PTPRD: variants seen among roughly 807,000 people sequenced by gnomAD.
PTPRD encodes receptor-type tyrosine-protein phosphatase delta.
A neutral mutation model predicts 214.5 loss-of-function variants in PTPRD; 34 were observed. That is an observed-to-expected ratio of 0.16 (90% CI 0.12 to 0.21). PTPRD has a LOEUF of 0.21. Ranked by LOEUF, PTPRD falls within the 10% of genes least tolerant of loss-of-function variation. The pLI is 1.00. For missense variants in PTPRD, 2,545 were observed against 2,398.7 expected, an observed-to-expected ratio of 1.06 and a Z score of -1.27; for synonymous variants, 1,128 against 845.7, an observed-to-expected ratio of 1.33 and a Z score of -5.79.
chr9:9,399,541 G>A (rs189632481), intron 8 of PTPRD, among the ~76,000 whole-genome samples: 1 of 152,158 alleles, frequency 6.6e-6, no homozygotes, highest in Admixed American at 6.6e-5. Flanking sequence ...AAAGTGTTCT[G>A]ATATGGCTTG....
chr9:9,108,573 T>G (rs1295721184), intron 10 of PTPRD, among the ~76,000 whole-genome samples: 1 of 152,214 alleles, frequency 6.6e-6, no homozygotes, highest in Non-Finnish European at 1.5e-5. Flanking sequence ...CTTGGGCTTA[T>G]GCCACTTATA....
At chr9:8,749,373 A>C (rs529524165) in intron 11 of PTPRD, among the ~76,000 whole-genome samples, 1 of 152,124 alleles carries the variant, frequency 6.6e-6, no homozygotes, top group Non-Finnish European at 1.5e-5. Flanking sequence ...TTTTTAGTAG[A>C]GACGGGGTTT....
At chr9:9,063,174 T>A (rs1009935295) in intron 10 of PTPRD, among the ~76,000 whole-genome samples, 1 of 152,114 alleles carries the variant, frequency 6.6e-6, no homozygotes, top group Non-Finnish European at 1.5e-5. Flanking sequence ...ATTGGCAAAT[T>A]TTCATAAAAC....
intron 3 of PTPRD, among the ~76,000 whole-genome samples, chr9:10,210,995 G>A (rs1057466288): frequency 2.3e-4 from 35 of 151,012 alleles, no homozygotes; most frequent in Non-Finnish European, 4.6e-4. Flanking sequence ...ACACATTTTT[G>A]TGTAAATAAA....
At chr9:10,269,280 G>A (rs945742894) in intron 3 of PTPRD, among the ~76,000 whole-genome samples, 1 of 152,174 alleles carries the variant, frequency 6.6e-6, no homozygotes, top group South Asian at 2.1e-4. Context: ...CACGTAAGAG[G>A]ACAAGCAAGG....
chr9:9,116,172 C>T (rs899699841), intron 10 of PTPRD, among the ~76,000 whole-genome samples: 7 of 151,778 alleles, frequency 4.6e-5, no homozygotes, highest in Admixed American at 1.3e-4. Flanking sequence ...AATATACTCA[C>T]GTAACAAACT....
chr9:9,411,841 G>T lies in PTPRD; in HGVS notation c.-236-14359C>A, dbSNP rs569921430. 2.6e-5 allele frequency among the ~76,000 whole-genome samples: 4 copies of T among 152,304 alleles called. No individual in the cohort carries two copies. In the East Asian group the frequency reaches 7.7e-4, roughly 29 times the overall value. ...GGGAATAAATGTGTGTTTTTGAAAA[G>T]ATTTTCTGTGTAGGGAAATGAAATA... On this transcript the variant is annotated intron_variant, in intron 8 of 45. Transcript: ENST00000381196.
At chr9:8,737,655 T>C (rs940293449) in intron 11 of PTPRD, among the ~76,000 whole-genome samples, 10 of 152,152 alleles carry the variant, frequency 6.6e-5, no homozygotes, top group Admixed American at 5.2e-4. Flanking sequence ...TATGTTCTGC[T>C]CCTTCTTTCT....
At chr9:9,677,679 C>A (rs936534546) in intron 7 of PTPRD, among the ~76,000 whole-genome samples, 1 of 152,024 alleles carries the variant, frequency 6.6e-6, no homozygotes, top group Non-Finnish European at 1.5e-5. Flanking sequence ...TGCCCTCTCT[C>A]ACCACTCCTA....
At chr9:9,918,899 A>G (rs771415484) in intron 5 of PTPRD, among the ~76,000 whole-genome samples, 1 of 152,122 alleles carries the variant, frequency 6.6e-6, no homozygotes, top group Non-Finnish European at 1.5e-5. Context: ...CATCAATTCA[A>G]AATTAATCAA....
intron 3 of PTPRD, among the ~76,000 whole-genome samples, chr9:10,157,966 T>C (rs916157499): frequency 6.6e-6 from 1 of 152,122 alleles, no homozygotes; most frequent in African/African-American, 2.4e-5. Flanking sequence ...GAAATTATTG[T>C]AGTATGTTTT....
At chr9:8,657,164 CTTT>C (rs749246223) in intron 12 of PTPRD, among the ~76,000 whole-genome samples, 1 of 123,086 alleles carries the variant, frequency 8.1e-6, no homozygotes, top group Admixed American at 8.5e-5. Context: ...CTTTTGCCCA[CTTT>C]TTTTTTTTTT....
intron 9 of PTPRD, among the ~76,000 whole-genome samples, chr9:9,334,707 T>C (rs1391272019): frequency 6.6e-6 from 1 of 151,988 alleles, no homozygotes; most frequent in East Asian, 1.9e-4. Flanking sequence ...CCACATTGCC[T>C]GGTACACAGA....
chr9:9,563,688 T>C (rs2083540635), intron 8 of PTPRD, among the ~76,000 whole-genome samples: 1 of 152,174 alleles, frequency 6.6e-6, no homozygotes. Context: ...TGCAACCATA[T>C]AAACAAAACC....
At chr9:8,935,044 A>G (rs927873322) in intron 11 of PTPRD, among the ~76,000 whole-genome samples, 1 of 152,124 alleles carries the variant, frequency 6.6e-6, no homozygotes, top group Non-Finnish European at 1.5e-5. Context: ...TATATGTATC[A>G]CATTTTCTTT....
In PTPRD at chr9:8,817,696, T is replaced by A. The variant is rs148982665; in HGVS notation, c.-103-83750A>T. 7.1e-3 allele frequency among the ~76,000 whole-genome samples: 1,086 copies of A among 152,302 alleles called. 19 individuals are homozygous for A. The highest frequency in any genetic ancestry group is 9.4e-3 in the Non-Finnish European group (640 of 68,018). ...TATACCTTCTATCAATTTCATAGAA[T>A]GGTAAAATCCATAAAATACCTAATA... On this transcript the variant is annotated intron_variant, in intron 11 of 45. Transcript: ENST00000381196.
At chr9:8,821,790 G>T (rs1023440801) in intron 11 of PTPRD, among the ~76,000 whole-genome samples, 1 of 152,112 alleles carries the variant, frequency 6.6e-6, no homozygotes, top group South Asian at 2.1e-4. Flanking sequence ...TCAGCCTCCC[G>T]AGTAGCTGGG....
intron 8 of PTPRD, among the ~76,000 whole-genome samples, chr9:9,457,986 T>TA (rs142745457): frequency 0.17 from 26,412 of 152,014 alleles, 2,536 homozygotes; most frequent in Middle Eastern, 0.29. Flanking sequence ...ATTTCATAAA[T>TA]AATAAGTGGT....
chr9:10,042,511 C>A (rs2097314690), intron 3 of PTPRD, among the ~76,000 whole-genome samples: 1 of 151,910 alleles, frequency 6.6e-6, no homozygotes, highest in African/African-American at 2.4e-5. Context: ...CACTTTTAGA[C>A]TATTGCCATA....
Sources: allele counts gnomAD v4.1 joint callset (sites outside exome capture counted in the v4.1 genomes callset), GRCh38; gene constraint gnomAD v4.1.1; transcripts MANE v1.5; gene names NCBI Gene and HGNC (gene_info 2026-07-23, HGNC 2026-07-21).